The following CYRIB variants were observed in gnomAD, a reference collection of about 807,000 sequenced individuals.
CYRIB encodes the protein CYFIP related Rac1 interactor B, also known as CYFIP-related Rac1 interactor B.
Under a neutral mutation model 44.2 loss-of-function variants are expected in CYRIB, and 8 were observed. That is an observed-to-expected ratio of 0.18 (90% CI 0.11 to 0.33). CYRIB has a LOEUF of 0.33. Ranked by LOEUF, CYRIB falls within the 10% of genes least tolerant of loss-of-function variation. CYRIB has a pLI of 1.00. For missense variants in CYRIB, 185 were observed against 382.8 expected, an observed-to-expected ratio of 0.48 and a Z score of 4.31; for synonymous variants, 131 against 127.2, an observed-to-expected ratio of 1.03 and a Z score of -0.20.
At chr8:129,885,027 C>T (rs2134244841) in intron 2 of CYRIB, among the ~76,000 whole-genome samples, 1 of 152,316 alleles carries the variant, frequency 6.6e-6, no homozygotes. Context: ...AAGAAGTTTC[C>T]TTACAGAATA....
rs868200214 is a variant in CYRIB at position 129,980,242 on chromosome 8, A to G, written c.-295-9247T>C. Among the ~76,000 whole-genome samples, 536 of 151,032 alleles carry G rather than the reference A, an allele frequency of 3.5e-3. 5 individuals carry two copies. Among genetic ancestry groups the G allele is most frequent in the African/African-American group, 0.012 (497 of 41,208 alleles). On this transcript the variant is annotated intron_variant, in intron 1 of 14. Coordinates refer to the CYRIB transcript ENST00000401979. ...GACTCCATCTCAAAAAAAAAAAAAA[A>G]AAAAGAAAAGAAAAAAGAAAAAAAG...
intron 3 of CYRIB, among the ~76,000 whole-genome samples, chr8:129,872,484 T>C (rs1447158556): frequency 1.3e-5 from 2 of 152,222 alleles, no homozygotes; most frequent in East Asian, 3.9e-4. Context: ...GGTCATTTGT[T>C]TCTCTAAGGA....
chr8:129,929,320 G>C (rs1402933438), intron 1 of CYRIB, among the ~76,000 whole-genome samples: 2 of 151,978 alleles, frequency 1.3e-5, no homozygotes, highest in African/African-American at 4.8e-5. Flanking sequence ...GAAGGGAAGG[G>C]CAGTGTGTAA....
chr8:129,890,987 G>A (rs1471896101), intron 2 of CYRIB, among the ~76,000 whole-genome samples: 1 of 152,040 alleles, frequency 6.6e-6, no homozygotes, highest in Non-Finnish European at 1.5e-5. Flanking sequence ...ATGAAAAGGT[G>A]GGAAGAAGAA....
At chr8:129,903,750 TA>T (rs2135829908) in intron 1 of CYRIB, among the ~76,000 whole-genome samples, 1 of 152,348 alleles carries the variant, frequency 6.6e-6, no homozygotes, top group East Asian at 1.9e-4. Context: ...TTATATTTCT[TA>T]TCACAGTTTA....
At chr8:129,957,263 T>A (rs1288624029) in intron 2 of CYRIB, among the ~76,000 whole-genome samples, 2 of 152,102 alleles carry the variant, frequency 1.3e-5, no homozygotes, top group Non-Finnish European at 2.9e-5. Context: ...CCAGAGTAAA[T>A]CAGCACCCAA....
At chr8:129,960,961 A>AG in intron 2 of CYRIB, among the ~76,000 whole-genome samples, 1 of 151,222 alleles carries the variant, frequency 6.6e-6, no homozygotes, top group Admixed American at 6.6e-5. Flanking sequence ...AAAAAAAAAA[A>AG]AAAAGAAAGA....
At chr8:129,877,213 G>A (rs989383807) in intron 3 of CYRIB, among the ~76,000 whole-genome samples, 7 of 152,072 alleles carry the variant, frequency 4.6e-5, no homozygotes, top group Admixed American at 3.9e-4. Flanking sequence ...TAGTATACCA[G>A]TAAGTATAAA....
At chr8:129,984,763 G>T (rs1386102924) in intron 1 of CYRIB, among the ~76,000 whole-genome samples, 2 of 152,060 alleles carry the variant, frequency 1.3e-5, no homozygotes, top group Admixed American at 1.3e-4. Flanking sequence ...CAAGTGGTGG[G>T]GGTTTTTTTT....
chr8:129,900,702 C>CA (rs2071160520), intron 2 of CYRIB, among the ~76,000 whole-genome samples: 1 of 152,114 alleles, frequency 6.6e-6, no homozygotes, highest in African/African-American at 2.4e-5. Context: ...TTTTTTGAGA[C>CA]AATGTCCTGC....
At chr8:129,914,292 T>C (rs1206628046) in intron 1 of CYRIB, among the ~76,000 whole-genome samples, 1 of 152,180 alleles carries the variant, frequency 6.6e-6, no homozygotes, top group Non-Finnish European at 1.5e-5. Flanking sequence ...GTGAGAATGG[T>C]GACACCGCTG....
chr8:129,897,591 G>C lies in CYRIB; in HGVS notation c.-11+5721C>G, dbSNP rs567349563. On this transcript the variant is annotated intron_variant, in intron 2 of 11. Transcript: ENST00000519824. ...GTACAAACAAGACATCTCCTATCTA[G>C]TAATGCCAGCCAAGAATTTAGCTTC... is the stretch of plus-strand genomic sequence containing the variant. Among the ~76,000 whole-genome samples the C allele has an allele frequency of 9.2e-4, 138 of 149,620 alleles. No homozygotes were observed. The Middle Eastern group carries it at 0.01, about 11-fold the overall frequency.
chr8:129,902,477 C>T (rs1394314478), intron 2 of CYRIB, among the ~76,000 whole-genome samples: 1 of 152,148 alleles, frequency 6.6e-6, no homozygotes, highest in African/African-American at 2.4e-5. Context: ...ACCTCGGCCT[C>T]CCAAAGTGCT....
chr8:129,874,773 T>C (rs542949693), intron 3 of CYRIB, among the ~76,000 whole-genome samples: 50 of 152,224 alleles, frequency 3.3e-4, no homozygotes, highest in African/African-American at 1.1e-3. Context: ...AGAATAAAGA[T>C]ATTTCAAAGT....
intron 2 of CYRIB, among the ~76,000 whole-genome samples, chr8:129,945,553 C>CT (rs1024857531): frequency 1.1e-4 from 16 of 151,932 alleles, no homozygotes; most frequent in African/African-American, 3.1e-4. Context: ...CCTTGAGTTT[C>CT]TTTTTTTTGT....
chr8:129,840,545 A>G (rs1026832501), exon 12 of CYRIB: 1 of 152,198 alleles, frequency 6.6e-6, no homozygotes, highest in African/African-American at 2.4e-5. Flanking sequence ...CTATTACACT[A>G]TTCTTAGAAG....
At chr8:129,951,550 C>T (rs2094502690) in intron 2 of CYRIB, among the ~76,000 whole-genome samples, 1 of 151,644 alleles carries the variant, frequency 6.6e-6, no homozygotes, top group Non-Finnish European at 1.5e-5. Context: ...ACTAAAAATA[C>T]AAAAAATTAG....
intron 2 of CYRIB, chr8:129,890,442 T>G (rs1276303962): frequency 1.3e-5 from 2 of 152,226 alleles, no homozygotes; most frequent in African/African-American, 2.4e-5. Flanking sequence ...AGCATTTTTA[T>G]CAATAAAGTA....
At chr8:129,998,024 G>C (rs2096817950) in intron 1 of CYRIB, among the ~76,000 whole-genome samples, 1 of 151,348 alleles carries the variant, frequency 6.6e-6, no homozygotes, top group Non-Finnish European at 1.5e-5. Flanking sequence ...AGGGGGCTGA[G>C]GCAAGAGAAT....
Sources: allele counts gnomAD v4.1 joint callset (sites outside exome capture counted in the v4.1 genomes callset), GRCh38; gene constraint gnomAD v4.1.1; transcripts MANE v1.5; gene names NCBI Gene and HGNC (gene_info 2026-07-23, HGNC 2026-07-21).